The following PDE10A variants were observed in gnomAD, a reference collection of about 807,000 sequenced individuals.
PDE10A encodes phosphodiesterase 10A.
A neutral mutation model predicts 97.7 loss-of-function variants in PDE10A; 39 were observed. That is an observed-to-expected ratio of 0.40 (90% CI 0.31 to 0.52). The LOEUF is 0.52. Ranked by LOEUF, PDE10A falls within the 20% of genes least tolerant of loss-of-function variation. PDE10A has a pLI of 0.56. For missense variants in PDE10A, 731 were observed against 1,047.8 expected (o/e 0.70, Z 4.17); for synonymous variants, 371 against 376.8 (o/e 0.98, Z 0.18).
intron 2 of PDE10A, among the ~76,000 whole-genome samples, chr6:165,525,540 T>TA (rs140878146): frequency 0.038 from 5,747 of 152,128 alleles, 330 homozygotes; most frequent in African/African-American, 0.12. Context: ...ATCCCAGCCT[T>TA]AGAGGGTCCC....
chr6:165,889,077 A>T (rs1325981837), intron 1 of PDE10A, among the ~76,000 whole-genome samples: 2 of 152,256 alleles, frequency 1.3e-5, no homozygotes, highest in East Asian at 3.8e-4. Flanking sequence ...ATCCAAAGAC[A>T]GAACTTAAAA....
chr6:165,958,714 G>GAA (rs1400473765), intron 1 of PDE10A, among the ~76,000 whole-genome samples: 7 of 55,244 alleles, frequency 1.3e-4, no homozygotes, highest in Non-Finnish European at 2.1e-4. Flanking sequence ...GAAAGAAAGA[G>GAA]AGAAGAAAGA....
At chr6:165,348,980 C>A (rs1782504752) in intron 18 of PDE10A, among the ~76,000 whole-genome samples, 1 of 152,200 alleles carries the variant, frequency 6.6e-6, no homozygotes, top group Non-Finnish European at 1.5e-5. Flanking sequence ...AATTAAACCT[C>A]TTTCCTTTAT....
intron 1 of PDE10A, among the ~76,000 whole-genome samples, chr6:165,785,066 C>G (rs1027491579): frequency 7.9e-5 from 12 of 152,214 alleles, no homozygotes; most frequent in Non-Finnish European, 1.6e-4. Flanking sequence ...GGGATAATTT[C>G]TTGGGAGTCT....
intron 3 of PDE10A, among the ~76,000 whole-genome samples, chr6:165,471,709 G>GCC (rs923397380): frequency 2.0e-5 from 3 of 151,868 alleles, no homozygotes; most frequent in Non-Finnish European, 4.4e-5. Context: ...ATTCTTGTTA[G>GCC]CCCTCCTTTC....
At chr6:165,982,096 T>C (rs1195379458) in intron 1 of PDE10A, among the ~76,000 whole-genome samples, 1 of 152,220 alleles carries the variant, frequency 6.6e-6, no homozygotes, top group Non-Finnish European at 1.5e-5. Context: ...TATTGTAATG[T>C]CAGAGAGGTA....
chr6:165,797,718 A>C (rs1778867164), intron 1 of PDE10A, among the ~76,000 whole-genome samples: 1 of 152,218 alleles, frequency 6.6e-6, no homozygotes, highest in African/African-American at 2.4e-5. Flanking sequence ...TGATGAAAGC[A>C]TTATAATCAG....
intron 1 of PDE10A, among the ~76,000 whole-genome samples, chr6:165,555,248 G>C (rs926147349): frequency 6.6e-6 from 1 of 152,066 alleles, no homozygotes; most frequent in Non-Finnish European, 1.5e-5. Flanking sequence ...CTTTCACATT[G>C]CATGCCTGTA....
rs1785303723 is a variant in PDE10A, at chr6:165,576,342, C to T, written c.866-32774G>A. The T allele has an allele frequency of 6.4e-6, 5 of 775,858 alleles. No homozygotes were observed. The Admixed American group carries it at 8.6e-5, about 13-fold the overall frequency. 48.1% of individuals were successfully genotyped at this position (775,858 alleles called of 1,614,324 possible). ...CAGATCAAAACAGAGCTATAGAGTA[C>T]TAGTTTGCTTCCTGTCTATCTGAAT... is the stretch of plus-strand genomic sequence containing the variant. On this transcript the variant is annotated intron_variant, in intron 1 of 21. Coordinates refer to ENST00000539869, the MANE Select transcript of PDE10A (RefSeq NM_001385079.1).
At chr6:165,709,879 T>C (rs1791852180) in intron 1 of PDE10A, among the ~76,000 whole-genome samples, 1 of 151,440 alleles carries the variant, frequency 6.6e-6, no homozygotes, top group African/African-American at 2.4e-5. Flanking sequence ...ACTCTTTTGC[T>C]TCAAATTTTC....
At chr6:165,982,177 A>G (rs1043171709) in intron 1 of PDE10A, among the ~76,000 whole-genome samples, 1 of 152,180 alleles carries the variant, frequency 6.6e-6, no homozygotes, top group African/African-American at 2.4e-5. Context: ...ATAGCTACCC[A>G]TATTTCACTA....
At chr6:165,526,779 C>A (rs533229392) in intron 2 of PDE10A, among the ~76,000 whole-genome samples, 3 of 152,208 alleles carry the variant, frequency 2.0e-5, no homozygotes, top group African/African-American at 7.2e-5. Flanking sequence ...TTAGCAAATG[C>A]CTTTTTCTCC....
intron 1 of PDE10A, among the ~76,000 whole-genome samples, chr6:165,701,462 T>C (rs776844856): frequency 6.6e-6 from 1 of 152,212 alleles, no homozygotes; most frequent in South Asian, 2.1e-4. Context: ...AACTGTTTTA[T>C]TGAATTTCTA....
chr6:165,967,322 C>A (rs1784540273), intron 1 of PDE10A, among the ~76,000 whole-genome samples: 1 of 152,176 alleles, frequency 6.6e-6, no homozygotes, highest in Non-Finnish European at 1.5e-5. Context: ...CATGGTGAAA[C>A]CCCACCTCTA....
chr6:165,509,500 T>C (rs2128300439), intron 2 of PDE10A, among the ~76,000 whole-genome samples: 1 of 152,126 alleles, frequency 6.6e-6, no homozygotes, highest in East Asian at 1.9e-4. Flanking sequence ...CAATATAATA[T>C]AAAGGCAGGG....
At chr6:165,799,034 T>C (rs1778907617) in intron 1 of PDE10A, among the ~76,000 whole-genome samples, 1 of 152,144 alleles carries the variant, frequency 6.6e-6, no homozygotes, top group Non-Finnish European at 1.5e-5. Flanking sequence ...AGGTATTTAA[T>C]ACAAATGAAG....
intron 1 of PDE10A, among the ~76,000 whole-genome samples, chr6:165,823,482 TTATATA>T (rs748139541): frequency 0.028 from 1,044 of 37,428 alleles, 23 homozygotes; most frequent in Non-Finnish European, 0.031. Context: ...ATAGTTAACT[TTATATA>T]TATATATATA....
At chr6:165,872,817 G>A (rs1344720440) in intron 1 of PDE10A, among the ~76,000 whole-genome samples, 2 of 152,130 alleles carry the variant, frequency 1.3e-5, no homozygotes, top group African/African-American at 2.4e-5. Flanking sequence ...AACACTAATA[G>A]GGGATCAGTA....
At chr6:165,636,176 C>T (rs956196275) in intron 1 of PDE10A, among the ~76,000 whole-genome samples, 1 of 152,196 alleles carries the variant, frequency 6.6e-6, no homozygotes, top group African/African-American at 2.4e-5. Context: ...GAATCCCCTA[C>T]TTCCTATTCC....
Sources: gnomAD v4.1 joint callset for allele counts (sites outside exome capture counted in the v4.1 genomes callset) on GRCh38, gnomAD v4.1.1 for gene constraint, MANE v1.5 for transcripts, NCBI Gene and HGNC (gene_info 2026-07-23, HGNC 2026-07-21) for gene names.